GPC5: variants seen among roughly 807,000 people sequenced by gnomAD.
GPC5 encodes the protein glypican 5.
GPC5 carries 47 observed loss-of-function variants against 53.9 expected under a neutral mutation model. The observed-to-expected ratio is 0.87, with a 90% confidence interval of 0.69 to 1.11. The LOEUF is 1.11. GPC5 is among the 50% of genes most tolerant of loss of function. The pLI, the probability that GPC5 is intolerant of heterozygous loss-of-function variation, is 0.00. For synonymous variants in GPC5, 286 were observed against 263.3 expected, an observed-to-expected ratio of 1.09 and a Z score of -0.84; for missense variants, 748 against 713.1, an observed-to-expected ratio of 1.05 and a Z score of -0.56.
chr13:92,778,424 T>C (rs542087860), intron 7 of GPC5, among the ~76,000 whole-genome samples: 56 of 152,304 alleles, frequency 3.7e-4, no homozygotes, highest in Admixed American at 6.5e-4. Context: ...TCACAGTTCT[T>C]AAAAATTTAA....
In GPC5 at chr13:92,723,632, C is replaced by T. The variant is rs185757156; in HGVS notation, c.1562-142650C>T. ...ACAATATATCCTTATAGTAAAAAGT[C>T]TCCATATTTATTTTTCCCCAACTTC... On this transcript the variant is annotated intron_variant, in intron 7 of 7. Coordinates refer to ENST00000377067, the MANE Select transcript of GPC5 (RefSeq NM_004466.6). Among the ~76,000 whole-genome samples the T allele has an allele frequency of 4.6e-3, 696 of 151,764 alleles. 4 individuals carry two copies. The highest frequency in any genetic ancestry group is 0.016 in the African/African-American group (657 of 41,478).
chr13:92,480,733 T>C (rs1038189473), intron 7 of GPC5, among the ~76,000 whole-genome samples: 1 of 135,528 alleles, frequency 7.4e-6, no homozygotes, highest in African/African-American at 2.7e-5. Context: ...ACCTGTGAAT[T>C]TGTTGCCTTA....
At chr13:91,544,248 C>A (rs2030144137) in intron 2 of GPC5, among the ~76,000 whole-genome samples, 1 of 151,964 alleles carries the variant, frequency 6.6e-6, no homozygotes, top group African/African-American at 2.4e-5. Context: ...TAAGGTTGGT[C>A]ATTTTATGTA....
intron 7 of GPC5, among the ~76,000 whole-genome samples, chr13:92,493,895 C>A (rs1182403662): frequency 1.3e-5 from 2 of 152,162 alleles, no homozygotes; most frequent in Non-Finnish European, 2.9e-5. Flanking sequence ...GCATCGAGGA[C>A]ATTGTTATAT....
chr13:91,723,532 A>G (rs1025401416), intron 3 of GPC5, among the ~76,000 whole-genome samples: 1 of 151,824 alleles, frequency 6.6e-6, no homozygotes, highest in South Asian at 2.1e-4. Flanking sequence ...TAACTTCCAT[A>G]TATCAGTGTC....
chr13:92,659,686 T>C (rs985507260), intron 7 of GPC5, among the ~76,000 whole-genome samples: 2 of 152,180 alleles, frequency 1.3e-5, no homozygotes, highest in African/African-American at 4.8e-5. Context: ...ATTACTTCAA[T>C]AATGTCAGAC....
chr13:92,421,694 G>A (rs770766814), intron 7 of GPC5, among the ~76,000 whole-genome samples: 18 of 45,270 alleles, frequency 4.0e-4, no homozygotes, highest in East Asian at 3.1e-3. Context: ...GCAAGACTCC[G>A]TCTCAAAAAA....
intron 7 of GPC5, among the ~76,000 whole-genome samples, chr13:92,692,858 A>G (rs1245192993): frequency 7.0e-6 from 1 of 143,278 alleles, no homozygotes; most frequent in Non-Finnish European, 1.5e-5. Context: ...ATTAGTGATT[A>G]TAAGCACTAA....
chr13:92,595,502 C>T lies in GPC5; in HGVS notation c.1562-270780C>T, dbSNP rs563111274. On this transcript the variant is annotated intron_variant, in intron 7 of 7. Transcript: ENST00000377067. ...TAGTATTTACGGCCGGGCGCGGTGG[C>T]TCACGCCTGTAATCCCAGCACTTTG... 3.9e-4 allele frequency among the ~76,000 whole-genome samples: 60 copies of T among 152,248 alleles called. 1 individual carries two copies. The highest frequency in any genetic ancestry group is 3.4e-3 in the Middle Eastern group (1 of 294).
At chr13:92,240,029 C>CT (rs1464839449) in intron 7 of GPC5, 3 of 151,926 alleles carry the variant, frequency 2.0e-5, no homozygotes, top group Non-Finnish European at 4.4e-5. Flanking sequence ...TTCCTTCTAG[C>CT]TTTTTTATAT....
chr13:91,650,767 T>TTTTTTTTTTTTTTTTTTTTTTTTC, intron 2 of GPC5, among the ~76,000 whole-genome samples: 4 of 150,220 alleles, frequency 2.7e-5, no homozygotes, highest in Non-Finnish European at 4.4e-5. Flanking sequence ...TTTTTTTTTT[T>TTTTTTTTTTTTTTTTTTTTTTTTC]TTTTTAGCAC....
chr13:91,657,137 A>G (rs1327356125), intron 2 of GPC5, among the ~76,000 whole-genome samples: 1 of 152,190 alleles, frequency 6.6e-6, no homozygotes, highest in African/African-American at 2.4e-5. Flanking sequence ...GTGAATGATC[A>G]TACTGGCAGG....
intron 7 of GPC5, among the ~76,000 whole-genome samples, chr13:92,760,576 A>C (rs1353144802): frequency 6.6e-6 from 1 of 151,420 alleles, no homozygotes; most frequent in East Asian, 1.9e-4. Context: ...ATTCTGGCTA[A>C]GAGTTTTTCA....
intron 7 of GPC5, among the ~76,000 whole-genome samples, chr13:92,288,597 A>G (rs1212044056): frequency 6.6e-6 from 1 of 152,166 alleles, no homozygotes; most frequent in Non-Finnish European, 1.5e-5. Context: ...TCCCCTGGAC[A>G]ATACCAGTGT....
chr13:92,783,958 C>G (rs1464201363), intron 7 of GPC5, among the ~76,000 whole-genome samples: 2 of 152,104 alleles, frequency 1.3e-5, no homozygotes, highest in Non-Finnish European at 2.9e-5. Context: ...TGATCATCCC[C>G]CTTCATATCT....
At chr13:92,248,199 T>C (rs1229208821) in intron 7 of GPC5, among the ~76,000 whole-genome samples, 5 of 82,182 alleles carry the variant, frequency 6.1e-5, no homozygotes, top group African/African-American at 2.9e-4. Context: ...GGTATGGCCA[T>C]AGGAAAAAAA....
chr13:92,614,111 C>G (rs1164616057), intron 7 of GPC5, among the ~76,000 whole-genome samples: 2 of 152,042 alleles, frequency 1.3e-5, no homozygotes, highest in African/African-American at 4.8e-5. Flanking sequence ...GAATGAATCT[C>G]CACCCTATCA....
rs116342912 is a variant in GPC5, at chr13:92,827,699, T to C, written c.1562-38583T>C. 8.6e-3 allele frequency among the ~76,000 whole-genome samples: 1,304 copies of C among 152,180 alleles called. 19 individuals carry two copies. The highest frequency in any genetic ancestry group is 0.03 in the African/African-American group (1,253 of 41,528). On this transcript the variant is annotated intron_variant, in intron 7 of 7. Transcript: ENST00000377067. ...TTTACTTTTCCAAAGTGCCTTCGGT[T>C]CCTTGATGACATCATTGGAAGCTAC...
At chr13:91,756,228 A>G (rs763577607) in intron 4 of GPC5, 67 bp from the exon 5 acceptor site, 18 of 1,194,336 alleles carry the variant, frequency 1.5e-5, no homozygotes, top group African/African-American at 7.5e-5. Context: ...ATAACAATAC[A>G]TATCATTTTT....
Sources: gnomAD v4.1 joint callset for allele counts (sites outside exome capture counted in the v4.1 genomes callset) on GRCh38, gnomAD v4.1.1 for gene constraint, MANE v1.5 for transcripts, NCBI Gene and HGNC (gene_info 2026-07-23, HGNC 2026-07-21) for gene names.